RPIA: variants seen among roughly 807,000 people sequenced by gnomAD.
RPIA encodes ribose-5-phosphate isomerase.
A neutral mutation model predicts 37.8 loss-of-function variants in RPIA; 29 were observed. The observed-to-expected ratio is 0.77, with a 90% CI of 0.57 to 1.05. The LOEUF (loss-of-function observed/expected upper bound fraction) is 1.05, where lower values mean the gene tolerates loss of function less well. Ranked by LOEUF, RPIA falls within the 50% of genes least tolerant of loss-of-function variation. The pLI is 0.00. For synonymous variants in RPIA, 167 were observed against 157.0 expected, an observed-to-expected ratio of 1.06 and a Z score of -0.48; for missense variants, 385 against 413.6, an observed-to-expected ratio of 0.93 and a Z score of 0.60.
chr2:88,748,579 G>C (rs986022068), intron 8 of RPIA, among the ~76,000 whole-genome samples: 8 of 152,196 alleles, frequency 5.3e-5, no homozygotes, highest in Non-Finnish European at 4.4e-5. Flanking sequence ...TGTCATTGAA[G>C]TATGTGTGAG....
At chr2:88,722,029 C>A (rs992414576) in intron 3 of RPIA, among the ~76,000 whole-genome samples, 1 of 147,728 alleles carries the variant, frequency 6.8e-6, no homozygotes, top group Non-Finnish European at 1.5e-5. Flanking sequence ...TCATGACGTG[C>A]TTGGACTTTC....
intron 8 of RPIA, among the ~76,000 whole-genome samples, chr2:88,739,989 G>A (rs1159629087): frequency 2.0e-5 from 3 of 152,140 alleles, no homozygotes; most frequent in Non-Finnish European, 4.4e-5. Flanking sequence ...ACATGAGTTG[G>A]CTTATACTCA....
intron 3 of RPIA, among the ~76,000 whole-genome samples, chr2:88,706,232 C>T (rs1034597467): frequency 2.6e-5 from 4 of 152,124 alleles, no homozygotes; most frequent in Non-Finnish European, 5.9e-5. Context: ...ATAAATCATT[C>T]TATTCTAAAG....
chr2:88,750,426 A>G lies in RPIA; in HGVS notation c.*348A>G, dbSNP rs1305190276. Reference sequence around the variant, plus strand: ...GAGTCTGCTGGTAAAGCTTCTGAATATTGAGTTTGCTGAGAAATAAAAATC... The same window carrying G: ...GAGTCTGCTGGTAAAGCTTCTGAATGTTGAGTTTGCTGAGAAATAAAAATC... On this transcript the variant is annotated 3_prime_UTR_variant, in exon 9 of 9. Transcript: ENST00000283646. The G allele has an allele frequency of 2.4e-6, 1 of 418,732 alleles. No homozygotes were observed. The highest frequency in any genetic ancestry group is 3.5e-5 in the East Asian group (1 of 28,464). The allele number at this position is 418,732 out of a possible 1,614,324, so 25.9% of individuals were successfully genotyped here.
At chr2:88,744,085 T>G (rs1434279517) in intron 8 of RPIA, among the ~76,000 whole-genome samples, 1 of 152,202 alleles carries the variant, frequency 6.6e-6, no homozygotes, top group African/African-American at 2.4e-5. Context: ...TCTAGTTCCT[T>G]GAAGTGTAAC....
At chr2:88,733,470 G>A (rs766863492) in intron 4 of RPIA, among the ~76,000 whole-genome samples, 30 of 152,314 alleles carry the variant, frequency 2.0e-4, no homozygotes, top group Middle Eastern at 3.4e-3. Context: ...CTGATCATGT[G>A]TTCAGCAGCT....
chr2:88,737,205 C>T (rs1230811165), intron 7 of RPIA, among the ~76,000 whole-genome samples: 4 of 152,118 alleles, frequency 2.6e-5, no homozygotes, highest in South Asian at 4.1e-4. Flanking sequence ...AAGTGGATTG[C>T]GCATAACTTT....
At chr2:88,727,084 CGT>C (rs59619042) in intron 3 of RPIA, among the ~76,000 whole-genome samples, 6,319 of 151,948 alleles carry the variant, frequency 0.042, 432 homozygotes, top group African/African-American at 0.14. Context: ...TGTGTGCGTG[CGT>C]GTGTGTGTGT....
intron 3 of RPIA, among the ~76,000 whole-genome samples, chr2:88,714,119 G>A (rs1282677951): frequency 1.3e-5 from 2 of 151,004 alleles, no homozygotes; most frequent in African/African-American, 2.4e-5. Flanking sequence ...GGATTGTTTG[G>A]TCTATTAAAT....
intron 8 of RPIA, among the ~76,000 whole-genome samples, chr2:88,740,637 G>T (rs1673371538): frequency 6.6e-6 from 1 of 152,172 alleles, no homozygotes; most frequent in Admixed American, 6.5e-5. Context: ...CAGGGCTACT[G>T]GAGTTCTTTC....
chr2:88,714,758 T>C (rs985542345), intron 3 of RPIA, among the ~76,000 whole-genome samples: 4 of 152,168 alleles, frequency 2.6e-5, no homozygotes, highest in Non-Finnish European at 5.9e-5. Flanking sequence ...ACAATACCTG[T>C]GGTAGATGAG....
At chr2:88,701,408 A>T (rs1376140098) in intron 3 of RPIA, among the ~76,000 whole-genome samples, 1 of 152,034 alleles carries the variant, frequency 6.6e-6, no homozygotes, top group African/African-American at 2.4e-5. Flanking sequence ...AATAAATTAC[A>T]TTGGTGTTTA....
intron 1 of RPIA, among the ~76,000 whole-genome samples, chr2:88,695,483 TTGA>T (rs1304305105): frequency 2.0e-5 from 3 of 152,202 alleles, no homozygotes; most frequent in Non-Finnish European, 4.4e-5. Context: ...GTCTTCTGTG[TTGA>T]TGATTGTTGT....
intron 3 of RPIA, among the ~76,000 whole-genome samples, chr2:88,713,916 T>G (rs1673000039): frequency 6.6e-6 from 1 of 152,008 alleles, no homozygotes; most frequent in African/African-American, 2.4e-5. Flanking sequence ...GGTTAATTTT[T>G]TTTTTTTTCA....
chr2:88,696,704 A>G (rs1672753047), intron 1 of RPIA, among the ~76,000 whole-genome samples: 1 of 152,190 alleles, frequency 6.6e-6, no homozygotes, highest in East Asian at 1.9e-4. Context: ...TTGTGCTGCT[A>G]TAATAGAATA....
intron 1 of RPIA, among the ~76,000 whole-genome samples, 154 bp downstream of exon 1, chr2:88,692,137 C>T (rs1165359236): frequency 6.6e-6 from 1 of 152,216 alleles, no homozygotes; most frequent in South Asian, 2.1e-4. Flanking sequence ...GAGTTTAGAC[C>T]CCTCTTCCCT....
intron 8 of RPIA, among the ~76,000 whole-genome samples, chr2:88,747,335 C>T (rs928553154): frequency 2.6e-5 from 4 of 152,202 alleles, no homozygotes; most frequent in Non-Finnish European, 4.4e-5. Context: ...AGATCTTGCC[C>T]CAGACTACAG....
intron 8 of RPIA, among the ~76,000 whole-genome samples, chr2:88,749,392 G>T (rs916829664): frequency 2.6e-5 from 4 of 151,970 alleles, no homozygotes; most frequent in Non-Finnish European, 4.4e-5. Flanking sequence ...GGCCATTTTG[G>T]GTAGCTTCTT....
At chr2:88,715,843 T>C (rs1673028229) in intron 3 of RPIA, among the ~76,000 whole-genome samples, 1 of 152,198 alleles carries the variant, frequency 6.6e-6, no homozygotes, top group East Asian at 1.9e-4. Context: ...AAAAAATCCT[T>C]TATTGTAGTT....
Sources: allele counts gnomAD v4.1 joint callset (sites outside exome capture counted in the v4.1 genomes callset), GRCh38; gene constraint gnomAD v4.1.1; transcripts MANE v1.5; gene names NCBI Gene and HGNC (gene_info 2026-07-23, HGNC 2026-07-21).